The following PCDH15 variants were observed in gnomAD, a reference collection of about 807,000 sequenced individuals.
PCDH15 encodes the protein protocadherin-15.
A neutral mutation model predicts 178.5 loss-of-function variants in PCDH15; 129 were observed. The observed-to-expected ratio is 0.72, with a 90% confidence interval of 0.63 to 0.84. The LOEUF is 0.84. PCDH15 is among the 40% of genes least tolerant of loss of function. PCDH15 has a pLI of 0.00. For synonymous variants in PCDH15, 800 were observed against 732.0 expected, an observed-to-expected ratio of 1.09 and a Z score of -1.50; for missense variants, 2,230 against 2,099.9, an observed-to-expected ratio of 1.06 and a Z score of -1.21.
At chr10:54,806,968 A>G (rs572578347) in intron 3 of PCDH15, among the ~76,000 whole-genome samples, 2 of 152,314 alleles carry the variant, frequency 1.3e-5, no homozygotes, top group African/African-American at 4.8e-5. Context: ...CTGTATTGCA[A>G]CGTAATCGCA....
At chr10:54,996,909 G>T (rs1043451435) in intron 2 of PCDH15, among the ~76,000 whole-genome samples, 1 of 151,998 alleles carries the variant, frequency 6.6e-6, no homozygotes, top group Admixed American at 6.6e-5. Flanking sequence ...AGGAGTTCGA[G>T]ACCAGCCTGG....
intron 2 of PCDH15, among the ~76,000 whole-genome samples, chr10:55,445,905 G>T (rs1384012185): frequency 6.6e-6 from 1 of 152,072 alleles, no homozygotes; most frequent in Non-Finnish European, 1.5e-5. Context: ...AACTGAATCA[G>T]AGAAGCCTTT....
At chr10:54,175,135 C>G (rs2047317372) in intron 13 of PCDH15, among the ~76,000 whole-genome samples, 2 of 152,064 alleles carry the variant, frequency 1.3e-5, no homozygotes, top group Admixed American at 1.3e-4. Context: ...ATACTGAACC[C>G]CCTCAAGACC....
chr10:54,510,752 C>T (rs971507619), intron 3 of PCDH15, among the ~76,000 whole-genome samples: 1 of 151,996 alleles, frequency 6.6e-6, no homozygotes, highest in African/African-American at 2.4e-5. Flanking sequence ...ATAAGAATTG[C>T]GATAATTATG....
At chr10:54,349,921 T>A (rs1943908558) in intron 5 of PCDH15, among the ~76,000 whole-genome samples, 1 of 152,150 alleles carries the variant, frequency 6.6e-6, no homozygotes, top group African/African-American at 2.4e-5. Flanking sequence ...CTAATCATAT[T>A]TGTGTGGCCA....
chr10:53,838,942 C>T (rs61858294), intron 29 of PCDH15, among the ~76,000 whole-genome samples: 34,384 of 151,864 alleles, frequency 0.23, 4,136 homozygotes, highest in Non-Finnish European at 0.26. Flanking sequence ...CGGTGGCTCA[C>T]ACCTGTAATC....
chr10:54,033,432 G>T (rs552317973), intron 18 of PCDH15, among the ~76,000 whole-genome samples: 2 of 151,792 alleles, frequency 1.3e-5, no homozygotes, highest in African/African-American at 4.8e-5. Flanking sequence ...ATCTACCACC[G>T]TTGAGAATGC....
intron 2 of PCDH15, among the ~76,000 whole-genome samples, chr10:55,144,179 C>T (rs983477855): frequency 2.0e-5 from 3 of 151,856 alleles, no homozygotes; most frequent in African/African-American, 2.4e-5. Flanking sequence ...CTTCTATCTA[C>T]GACTGACTCA....
At chr10:55,102,782 G>A (rs1193437995) in intron 2 of PCDH15, among the ~76,000 whole-genome samples, 1 of 151,896 alleles carries the variant, frequency 6.6e-6, no homozygotes, top group Non-Finnish European at 1.5e-5. Context: ...GGCCTTATGT[G>A]TAACATAAAC....
At chr10:54,055,814 A>C (rs1271114981) in intron 18 of PCDH15, among the ~76,000 whole-genome samples, 1 of 152,226 alleles carries the variant, frequency 6.6e-6, no homozygotes, top group Non-Finnish European at 1.5e-5. Context: ...TCTCATGATC[A>C]TGTATCTTAG....
intron 18 of PCDH15, among the ~76,000 whole-genome samples, chr10:54,024,841 C>G (rs2135344707): frequency 6.6e-6 from 1 of 152,132 alleles, no homozygotes; most frequent in Non-Finnish European, 1.5e-5. Context: ...TGCCTTCTCC[C>G]TTTTTCACCA....
At position 53,981,515 on chromosome 10, in the gene PCDH15, C is replaced by T. The variant is rs147068467; in HGVS notation, c.2868+14134G>A. 7.8e-3 allele frequency among the ~76,000 whole-genome samples: 1,180 copies of T among 152,084 alleles called. 20 individuals carry two copies. Among genetic ancestry groups the T allele is most frequent in the African/African-American group, 0.027 (1,114 of 41,480 alleles). ...AAAAGAGCCTTCAGAAATAACGCCACATATCTACAACTATCTGATCTTTGA... is the reference window on the plus strand; with the variant it reads ...AAAAGAGCCTTCAGAAATAACGCCATATATCTACAACTATCTGATCTTTGA... On this transcript the variant is annotated intron_variant, in intron 21 of 37. Transcript: ENST00000644397.
chr10:54,654,391 G>A (rs998174633), intron 2 of PCDH15, among the ~76,000 whole-genome samples: 9 of 152,160 alleles, frequency 5.9e-5, no homozygotes, highest in Admixed American at 5.2e-4. Context: ...AGTCTGATAG[G>A]AAGACACTCA....
chr10:55,158,895 AG>A (rs1271826313), intron 2 of PCDH15, among the ~76,000 whole-genome samples: 7 of 151,414 alleles, frequency 4.6e-5, no homozygotes, highest in Non-Finnish European at 7.4e-5. Flanking sequence ...AGAGAGAGAG[AG>A]AGAAAAAACA....
chr10:54,055,647 C>A (rs999501406), intron 18 of PCDH15, among the ~76,000 whole-genome samples: 2 of 152,126 alleles, frequency 1.3e-5, no homozygotes, highest in Non-Finnish European at 2.9e-5. Context: ...TAGCTGAAAG[C>A]CTTCCTACCT....
At chr10:55,132,729 ACTG>A (rs1211631315) in intron 2 of PCDH15, among the ~76,000 whole-genome samples, 1 of 152,180 alleles carries the variant, frequency 6.6e-6, no homozygotes, top group Non-Finnish European at 1.5e-5. Flanking sequence ...TAATTCCTAT[ACTG>A]AAGTACATAG....
intron 3 of PCDH15, among the ~76,000 whole-genome samples, chr10:54,855,671 G>C: frequency 6.6e-6 from 1 of 152,084 alleles, no homozygotes; most frequent in East Asian, 1.9e-4. Flanking sequence ...TGAAGTAAGA[G>C]TTTAAAAAAG....
chr10:55,381,023 C>T (rs1837521511), intron 2 of PCDH15, among the ~76,000 whole-genome samples: 1 of 152,116 alleles, frequency 6.6e-6, no homozygotes, highest in African/African-American at 2.4e-5. Context: ...ATAAGGATTT[C>T]CTAATGTCCA....
At chr10:54,071,443 ATGTT>A (rs1590233065) in intron 17 of PCDH15, among the ~76,000 whole-genome samples, 3 of 152,092 alleles carry the variant, frequency 2.0e-5, no homozygotes, top group Admixed American at 6.6e-5. Context: ...AAGAGAAGGG[ATGTT>A]TGTTTTTTAT....
Sources: gnomAD v4.1 joint callset for allele counts (sites outside exome capture counted in the v4.1 genomes callset) on GRCh38, gnomAD v4.1.1 for gene constraint, MANE v1.5 for transcripts, NCBI Gene and HGNC (gene_info 2026-07-23, HGNC 2026-07-21) for gene names.